Variants in ANK2 observed in about 807,000 individuals in gnomAD.
The protein encoded by ANK2 is ankyrin 2.
Under a neutral mutation model 360.5 loss-of-function variants are expected in ANK2, and 83 were observed. The observed-to-expected ratio is 0.23, with a 90% CI of 0.19 to 0.28. ANK2 has a LOEUF of 0.28. Ranked by LOEUF, ANK2 falls within the 10% of genes least tolerant of loss-of-function variation. The pLI is 1.00. For synonymous variants in ANK2, 1,740 were observed against 1,759.5 expected, an observed-to-expected ratio of 0.99 and a Z score of 0.28; for missense variants, 4,201 against 4,795.7, an observed-to-expected ratio of 0.88 and a Z score of 3.66.
intron 14 of ANK2, among the ~76,000 whole-genome samples, chr4:113,266,877 CAA>C (rs375127476): frequency 7.0e-6 from 1 of 143,068 alleles, no homozygotes. Flanking sequence ...AACTCTGTCT[CAA>C]AAAAAAAAAG....
chr4:113,355,458 C>G lies in ANK2; in HGVS notation c.6840C>G (p.Pro2280=). Residue 2280 remains proline (P), a synonymous_variant, in exon 38 of 46, where the codon CCC becomes CCG. Transcript: ENST00000357077. ...TTEIRSEKEH[P]TTKDITGGSE... ...AAATTCGTTCAGAAAAAGAGCATCC[C>G]ACGACCAAAGACATTACTGGTGGCT... 1 of 1,613,944 alleles carries G rather than the reference C, an allele frequency of 6.2e-7. No homozygotes were observed. The highest frequency in any genetic ancestry group is 8.5e-7 in the Non-Finnish European group (1 of 1,179,970).
At chr4:113,049,833 A>G in intron 1 of ANK2, 21 bp downstream of exon 1, 1 of 1,612,476 alleles carries the variant, frequency 6.2e-7, no homozygotes, top group Non-Finnish European at 8.5e-7. Context: ...GGAATTAGGA[A>G]TGTCTGTGTA....
At chr4:113,336,269 C>T (rs2093514456) in intron 30 of ANK2, 2 of 562,742 alleles carry the variant, frequency 3.6e-6, no homozygotes, top group Non-Finnish European at 6.0e-6. Context: ...AATTAATCTC[C>T]AGCTACAAAT....
the ANK2 span, among the ~76,000 whole-genome samples, chr4:112,778,635 T>TA: frequency 6.6e-6 from 1 of 152,208 alleles, no homozygotes. Context: ...GGTAGGTTGA[T>TA]ATCTGTGACT....
intron 2 of ANK2, among the ~76,000 whole-genome samples, chr4:112,984,779 G>T (rs987778695): frequency 6.6e-6 from 1 of 152,134 alleles, no homozygotes; most frequent in African/African-American, 2.4e-5. Context: ...TCATTCTCAT[G>T]GTCAGAAGTG....
chr4:112,750,207 A>G, the ANK2 span, among the ~76,000 whole-genome samples: 1 of 151,906 alleles, frequency 6.6e-6, no homozygotes, highest in African/African-American at 2.4e-5. Context: ...TGAGATTGGC[A>G]GGTTGCCTGA....
intron 2 of ANK2, among the ~76,000 whole-genome samples, chr4:113,027,104 A>G (rs1274199871): frequency 6.6e-6 from 1 of 152,124 alleles, no homozygotes; most frequent in Non-Finnish European, 1.5e-5. Flanking sequence ...ATGGTGATAC[A>G]TCCTCTTCAT....
At chr4:113,116,545 C>T (rs1269712585) in intron 1 of ANK2, among the ~76,000 whole-genome samples, 1 of 152,220 alleles carries the variant, frequency 6.6e-6, no homozygotes, top group African/African-American at 2.4e-5. Context: ...GCAAGTAACT[C>T]CAACTGTGCT....
chr4:112,792,216 T>C, the ANK2 span, among the ~76,000 whole-genome samples: 2 of 151,888 alleles, frequency 1.3e-5, no homozygotes, highest in Admixed American at 6.6e-5. Context: ...TAATTTTGTG[T>C]TTTTAATAGA....
chr4:113,032,606 CAT>C (rs1256715944), intron 2 of ANK2, among the ~76,000 whole-genome samples: 7 of 152,036 alleles, frequency 4.6e-5, no homozygotes, highest in African/African-American at 1.7e-4. Context: ...AAGTCTGTAA[CAT>C]GACTTTGAGG....
chr4:113,372,194 A>G (rs889998582), intron 43 of ANK2, among the ~76,000 whole-genome samples: 9 of 152,136 alleles, frequency 5.9e-5, no homozygotes, highest in South Asian at 2.1e-4. Flanking sequence ...CTTAGGGTCT[A>G]TGTTTACAGT....
rs1228999353 is a variant in ANK2, at chr4:113,243,723, G to GT, written c.891+1518dup. Among the ~76,000 whole-genome samples, 88 of 152,252 alleles carry GT rather than the reference G, an allele frequency of 5.8e-4. 1 individual carries two copies. Among genetic ancestry groups the GT allele is most frequent in the Non-Finnish European group, 1.0e-4 (7 of 68,028 alleles). ...TTATTCTTTCTATTTAAAGGAATGAGTTTTGCACATTACTACATTACTAAC... is the reference window on the plus strand; with the variant it reads ...TTATTCTTTCTATTTAAAGGAATGAGTTTTTGCACATTACTACATTACTAAC... On this transcript the variant is annotated intron_variant, in intron 9 of 45. Transcript: ENST00000357077.
At chr4:112,827,239 G>C in intron 1 of ANK2, 1 of 1,067,978 alleles carries the variant, frequency 9.4e-7, no homozygotes, top group Admixed American at 1.7e-5. Context: ...GCAGAGAAAG[G>C]ATTTAGAAGA....
At chr4:113,216,723 G>A (rs987226232) in intron 4 of ANK2, among the ~76,000 whole-genome samples, 2 of 152,078 alleles carry the variant, frequency 1.3e-5, no homozygotes, top group African/African-American at 4.8e-5. Context: ...TTTAAAATCT[G>A]GCTCTGAACA....
the ANK2 span, among the ~76,000 whole-genome samples, chr4:112,770,049 T>A: frequency 6.6e-6 from 1 of 152,204 alleles, no homozygotes; most frequent in African/African-American, 2.4e-5. Context: ...CTCTTTCTCT[T>A]TATATGTATC....
At chr4:112,810,065 A>C in the ANK2 span, among the ~76,000 whole-genome samples, 1 of 147,052 alleles carries the variant, frequency 6.8e-6, no homozygotes, top group South Asian at 2.2e-4. Flanking sequence ...GTAAATTATA[A>C]TGTTGCTTTA....
chr4:113,357,808 C>G lies in ANK2; in HGVS notation c.9190C>G (p.Gln3064Glu), dbSNP rs757030067. ...TGAGGCTCGTGTGAAAGAGGAAGAA[C>G]AAAAGATATTTGGTTTGATGGTAGA... ...AFEARVKEEE[Q>E]KIFGLMVDRQ... The change falls in exon 38 of 46, where the codon CAA (glutamine) becomes GAA (glutamate). Residue 3064 changes from glutamine (Q) to glutamate (E), a missense_variant. Transcript: ENST00000357077. The G allele has an allele frequency of 8.7e-6, 14 of 1,613,706 alleles. No homozygotes were observed. The highest frequency in any genetic ancestry group is 1.1e-5 in the Non-Finnish European group (13 of 1,179,886).
chr4:112,789,800 A>G, the ANK2 span, among the ~76,000 whole-genome samples: 2 of 152,238 alleles, frequency 1.3e-5, no homozygotes, highest in Admixed American at 1.3e-4. Context: ...AGAACATGAA[A>G]CAAAAGGTGG....
At chr4:113,274,210 A>C (rs1158182567) in intron 14 of ANK2, among the ~76,000 whole-genome samples, 1 of 152,240 alleles carries the variant, frequency 6.6e-6, no homozygotes, top group Non-Finnish European at 1.5e-5. Flanking sequence ...GAAATATTTC[A>C]GAAAGCAGTG....
Sources: allele counts gnomAD v4.1 joint callset (sites outside exome capture counted in the v4.1 genomes callset), GRCh38; gene constraint gnomAD v4.1.1; transcripts MANE v1.5; gene names NCBI Gene and HGNC (gene_info 2026-07-23, HGNC 2026-07-21).